The following PRKX variants were observed in gnomAD, a reference collection of about 807,000 sequenced individuals.
PRKX encodes the protein cAMP-dependent protein kinase catalytic subunit PRKX.
A neutral mutation model predicts 22.0 loss-of-function variants in PRKX; 12 were observed. That is an observed-to-expected ratio of 0.54 (90% CI 0.35 to 0.88). The LOEUF (loss-of-function observed/expected upper bound fraction) is 0.88, where lower values mean the gene tolerates loss of function less well. Among genes scored for constraint, PRKX ranks in the 40% least tolerant of loss-of-function variants. The pLI is 0.01. For synonymous variants in PRKX, 134 were observed against 137.7 expected, an observed-to-expected ratio of 0.97 and a Z score of 0.19; for missense variants, 217 against 308.0, an observed-to-expected ratio of 0.70 and a Z score of 2.21.
intron 1 of PRKX, among the ~76,000 whole-genome samples, chrX:3,700,154 G>A (rs778556221): frequency 5.3e-5 from 6 of 112,164 alleles, no homozygotes; most frequent in African/African-American, 1.3e-4. Context: ...AGTTTTCCTC[G>A]GTTACAATTC....
intron 1 of PRKX, among the ~76,000 whole-genome samples, chrX:3,682,088 C>T (rs1316489624): frequency 2.7e-5 from 3 of 111,152 alleles, no homozygotes; most frequent in African/African-American, 9.8e-5. Context: ...ACCAACCAAC[C>T]CTGAGTACTT....
At chrX:3,636,320 C>T (rs1163092802) in intron 4 of PRKX, among the ~76,000 whole-genome samples, 2 of 112,824 alleles carry the variant, frequency 1.8e-5, no homozygotes, top group Non-Finnish European at 3.7e-5. Context: ...CTTGTATGTG[C>T]AGCAGTGCCC....
chrX:3,643,150 C>T (rs1198479007), intron 3 of PRKX, among the ~76,000 whole-genome samples: 2 of 86,018 alleles, frequency 2.3e-5, no homozygotes, highest in African/African-American at 9.3e-5. Flanking sequence ...CCCCTGGAAA[C>T]CAGTGTAAAG....
chrX:3,702,189 C>A, intron 1 of PRKX, among the ~76,000 whole-genome samples: 1 of 112,218 alleles, frequency 8.9e-6, no homozygotes, highest in Non-Finnish European at 1.9e-5. Context: ...AGCATGCATA[C>A]CCAAATAAAC....
At chrX:3,677,317 A>G (rs1927980360) in intron 1 of PRKX, among the ~76,000 whole-genome samples, 2 of 101,920 alleles carry the variant, frequency 2.0e-5, no homozygotes, top group South Asian at 8.7e-4. Flanking sequence ...ATCACATTAT[A>G]TTGTTTTGTC....
At chrX:3,689,755 A>G (rs748506566) in intron 1 of PRKX, among the ~76,000 whole-genome samples, 1 of 112,088 alleles carries the variant, frequency 8.9e-6, no homozygotes, top group African/African-American at 3.2e-5. Context: ...AGGCGGGCGG[A>G]TCACAAGGTC....
intron 2 of PRKX, among the ~76,000 whole-genome samples, chrX:3,658,706 A>G (rs1603474190): frequency 9.0e-6 from 1 of 111,030 alleles, no homozygotes; most frequent in Middle Eastern, 4.6e-3. Context: ...GTCTTCAACC[A>G]TGACCAGGAC....
intron 8 of PRKX, among the ~76,000 whole-genome samples, chrX:3,610,703 C>T (rs1926277945): frequency 9.0e-6 from 1 of 110,602 alleles, no homozygotes; most frequent in South Asian, 3.9e-4. Flanking sequence ...TGACAAAAAT[C>T]CATCAAATGG....
chrX:3,630,416 C>T (rs1371739355), intron 4 of PRKX, among the ~76,000 whole-genome samples: 1 of 111,246 alleles, frequency 9.0e-6, no homozygotes, highest in Non-Finnish European at 1.9e-5. Context: ...AAAAATTAGC[C>T]AGGCGTGGTG....
At chrX:3,648,846 A>G (rs1927251070) in intron 3 of PRKX, among the ~76,000 whole-genome samples, 1 of 110,268 alleles carries the variant, frequency 9.1e-6, no homozygotes, top group African/African-American at 3.3e-5. Flanking sequence ...TGGGAGGCCG[A>G]GGTGGAAGGA....
chrX:3,629,247 T>A (rs1391195317), intron 4 of PRKX, among the ~76,000 whole-genome samples: 1 of 76,290 alleles, frequency 1.3e-5, no homozygotes, highest in Non-Finnish European at 2.7e-5. Context: ...AGTGAACTAC[T>A]TTTTTTTTTT....
chrX:3,623,151 C>CGTGTGTGTGT lies in PRKX; in HGVS notation c.816-1845_816-1836dup, dbSNP rs60593114. ...TTGGTGATCACCTGATAAATTTCAA[C>CGTGTGTGTGT]GTGTGTGTGTGTGTGTGTGTGTGTG... On this transcript the variant is annotated intron_variant, in intron 5 of 8. Transcript: ENST00000262848. Among the ~76,000 whole-genome samples the CGTGTGTGTGT allele has an allele frequency of 4.3e-3, 413 of 96,104 alleles. 1 individual carries two copies. The highest frequency in any genetic ancestry group is 0.021 in the Middle Eastern group (4 of 188). 83.5% of individuals were successfully genotyped at this position (96,104 alleles called of 115,157 possible).
At position 3,682,979 on chromosome X, in the gene PRKX, G is replaced by A. The variant is rs781294968; in HGVS notation, c.167-8213C>T. ...GAGAAGACACAGACACAGAGGAGAA[G>A]GCCATGTGGAGACGGAGGCAGAGAC... On this transcript the variant is annotated intron_variant, in intron 1 of 8. Transcript: ENST00000262848. Among the ~76,000 whole-genome samples, 16 of 109,325 alleles carry A rather than the reference G, an allele frequency of 1.5e-4. No individual in the cohort carries two copies. The East Asian group carries it at 4.8e-3, about 33-fold the overall frequency. 94.9% of individuals were successfully genotyped at this position (109,325 alleles called of 115,157 possible). A position where few individuals can be genotyped will look rare whatever the true frequency, so the allele number is the denominator to read the frequency against.
At chrX:3,681,103 C>T (rs988565785) in intron 1 of PRKX, among the ~76,000 whole-genome samples, 1 of 111,060 alleles carries the variant, frequency 9.0e-6, no homozygotes, top group Non-Finnish European at 1.9e-5. Context: ...TAAATAAGGC[C>T]AGGCACAGTG....
intron 4 of PRKX, among the ~76,000 whole-genome samples, chrX:3,637,387 G>A (rs749837661): frequency 5.4e-5 from 6 of 111,524 alleles, no homozygotes; most frequent in South Asian, 3.9e-4. Context: ...TGATGGGTAC[G>A]TGGACAGGAT....
Position 3,650,879 on chromosome X carries a change from T to TAAA in PRKX, c.599+4267_599+4269dup, listed in dbSNP as rs57311083. Among the ~76,000 whole-genome samples the TAAA allele has an allele frequency of 1.3e-4, 11 of 82,023 alleles. No homozygotes were observed. In the East Asian group the frequency reaches 3.0e-3, roughly 23 times the overall value. The allele number at this position is 82,023 out of a possible 115,157, so 71.2% of individuals were successfully genotyped here. A position where few individuals can be genotyped will look rare whatever the true frequency, so the allele number is the denominator to read the frequency against. On this transcript the variant is annotated intron_variant, in intron 3 of 8. Transcript: ENST00000262848. ...GAGTGACAGAGTAAGACCCTGTCTTTAAAAAAAAAAAAAAAAAAAAAAAAA... is the reference window on the plus strand; with the variant it reads ...GAGTGACAGAGTAAGACCCTGTCTTTAAAAAAAAAAAAAAAAAAAAAAAAAAAA...
intron 1 of PRKX, among the ~76,000 whole-genome samples, chrX:3,681,207 T>A (rs763739388): frequency 2.1e-4 from 23 of 108,639 alleles, no homozygotes; most frequent in African/African-American, 6.7e-4. Context: ...CATGGTGAGA[T>A]CCCTATCTCT....
intron 3 of PRKX, among the ~76,000 whole-genome samples, chrX:3,642,572 C>G (rs1427767017): frequency 1.8e-5 from 2 of 110,941 alleles, no homozygotes; most frequent in Non-Finnish European, 3.8e-5. Flanking sequence ...AAGTGTCATA[C>G]AGTTTACCCA....
chrX:3,637,638 A>G (rs953249315), intron 4 of PRKX, among the ~76,000 whole-genome samples: 3 of 112,308 alleles, frequency 2.7e-5, no homozygotes, highest in African/African-American at 9.7e-5. Context: ...CTAATTAGAA[A>G]AAAGGAAAAT....
Sources: gnomAD v4.1 joint callset for allele counts (sites outside exome capture counted in the v4.1 genomes callset) on GRCh38, gnomAD v4.1.1 for gene constraint, MANE v1.5 for transcripts, NCBI Gene and HGNC (gene_info 2026-07-23, HGNC 2026-07-21) for gene names.